The following SIPA1L1 variants were observed in gnomAD, a reference collection of about 807,000 sequenced individuals.
SIPA1L1 encodes the protein signal induced proliferation associated 1 like 1, also known as signal-induced proliferation-associated 1-like protein 1.
SIPA1L1 carries 26 observed loss-of-function variants against 162.7 expected under a neutral mutation model. The ratio of observed to expected loss-of-function variants is 0.16; its 90% confidence interval spans 0.12 to 0.22. The LOEUF (loss-of-function observed/expected upper bound fraction) is 0.22. SIPA1L1 is among the 10% of genes least tolerant of loss of function. SIPA1L1 has a pLI of 1.00. For missense variants in SIPA1L1, 1,874 were observed against 2,241.0 expected (o/e 0.84, Z 3.31); for synonymous variants, 829 against 837.4 (o/e 0.99, Z 0.17).
At position 71,685,558 on chromosome 14, in the gene SIPA1L1, A is replaced by G. The variant is rs774008839; in HGVS notation, c.3301A>G (p.Lys1101Glu). ...SRLNAGKGDG[K>E]MPPPERAANI... ...GCTGAATGCTGGAAAAGGAGATGGG[A>G]AGATGCCTCCTCCAGAAAGAGCCGC... The change falls in exon 13 of 24, where the codon AAG (lysine) becomes GAG (glutamate). Residue 1101 changes from lysine to glutamate, a missense_variant. Lys to Glu is a moderately conservative substitution (Grantham distance 56, BLOSUM62 1). This residue lies in a region of SIPA1L1 where 936 missense variants were observed against 1,051.9 expected (regional missense o/e 0.89). Coordinates refer to ENST00000381232, the MANE Select transcript of SIPA1L1 (RefSeq NM_001386936.1). The G allele has an allele frequency of 6.2e-7, 1 of 1,614,198 alleles. No individual in the cohort carries two copies. The highest frequency in any genetic ancestry group is 8.5e-7 in the Non-Finnish European group (1 of 1,180,034).
At chr14:71,445,567 C>G (rs1425232474) in intron 2 of SIPA1L1, among the ~76,000 whole-genome samples, 2 of 152,152 alleles carry the variant, frequency 1.3e-5, no homozygotes, top group African/African-American at 4.8e-5. Context: ...ATCGGTTGTA[C>G]TGGTGGTTCA....
At chr14:71,644,009 T>C (rs1260544968) in intron 7 of SIPA1L1, among the ~76,000 whole-genome samples, 1 of 152,182 alleles carries the variant, frequency 6.6e-6, no homozygotes, top group Non-Finnish European at 1.5e-5. Context: ...GATTTCACCA[T>C]GTTAGTCAGG....
chr14:71,444,903 GC>G (rs2045225950), intron 2 of SIPA1L1, among the ~76,000 whole-genome samples: 1 of 152,184 alleles, frequency 6.6e-6, no homozygotes, highest in Non-Finnish European at 1.5e-5. Context: ...GGAGCTACTA[GC>G]TAGTGCTTGT....
At chr14:71,569,871 C>A (rs1352065407) in intron 4 of SIPA1L1, among the ~76,000 whole-genome samples, 1 of 152,188 alleles carries the variant, frequency 6.6e-6, no homozygotes, top group East Asian at 1.9e-4. Flanking sequence ...AATGGATTCG[C>A]CTCTTTCCTG....
chr14:71,364,268 A>G (rs2038076441), intron 2 of SIPA1L1, among the ~76,000 whole-genome samples: 1 of 152,188 alleles, frequency 6.6e-6, no homozygotes. Flanking sequence ...GGTTTAATTC[A>G]TATTCAGGGA....
chr14:71,407,211 C>A (rs2042084492), intron 2 of SIPA1L1, among the ~76,000 whole-genome samples: 1 of 152,150 alleles, frequency 6.6e-6, no homozygotes, highest in Non-Finnish European at 1.5e-5. Flanking sequence ...ATAAAAAATA[C>A]TCCTCACCTT....
chr14:71,613,536 A>T (rs545663223), intron 5 of SIPA1L1, among the ~76,000 whole-genome samples: 2 of 152,242 alleles, frequency 1.3e-5, no homozygotes, highest in South Asian at 4.1e-4. Context: ...ATTTCAGTTC[A>T]TCCATCAGAA....
intron 4 of SIPA1L1, among the ~76,000 whole-genome samples, chr14:71,543,924 T>C (rs573104394): frequency 1.5e-5 from 2 of 130,710 alleles, no homozygotes; most frequent in South Asian, 2.4e-4. Flanking sequence ...ACATATATCA[T>C]ACGTATATGT....
At chr14:71,621,605 C>G (rs1596468747) in intron 6 of SIPA1L1, among the ~76,000 whole-genome samples, 1 of 152,154 alleles carries the variant, frequency 6.6e-6, no homozygotes, top group Non-Finnish European at 1.5e-5. Context: ...CAATTCAGTG[C>G]TTTATTTTTC....
chr14:71,445,589 A>G (rs918750589), intron 2 of SIPA1L1, among the ~76,000 whole-genome samples: 4 of 152,200 alleles, frequency 2.6e-5, no homozygotes, highest in Non-Finnish European at 5.9e-5. Flanking sequence ...TTAAGTGCAT[A>G]TGTACTATAT....
At chr14:71,429,528 C>T (rs192358486) in intron 2 of SIPA1L1, among the ~76,000 whole-genome samples, 80 of 151,682 alleles carry the variant, frequency 5.3e-4, no homozygotes, top group Non-Finnish European at 9.7e-4. Context: ...TCATTTTTCC[C>T]ATTGCTGAAC....
intron 2 of SIPA1L1, among the ~76,000 whole-genome samples, chr14:71,378,769 CTGT>C (rs2039636756): frequency 6.6e-6 from 1 of 151,024 alleles, no homozygotes; most frequent in Admixed American, 6.6e-5. Context: ...TTTATTATGT[CTGT>C]TGTTGCTTCA....
intron 17 of SIPA1L1, among the ~76,000 whole-genome samples, chr14:71,719,479 A>C (rs927933266): frequency 6.6e-6 from 1 of 152,180 alleles, no homozygotes; most frequent in Non-Finnish European, 1.5e-5. Flanking sequence ...CCATTCTGGT[A>C]GGTGTGTAAT....
At chr14:71,425,291 G>A (rs985117150) in intron 2 of SIPA1L1, among the ~76,000 whole-genome samples, 1 of 151,898 alleles carries the variant, frequency 6.6e-6, no homozygotes, top group Admixed American at 6.6e-5. Flanking sequence ...TTTGGGTTTA[G>A]TTTGTTCTTA....
At chr14:71,594,671 G>A (rs1331884341) in intron 5 of SIPA1L1, among the ~76,000 whole-genome samples, 2 of 152,172 alleles carry the variant, frequency 1.3e-5, no homozygotes, top group African/African-American at 4.8e-5. Flanking sequence ...GAATTGAATG[G>A]TGAAAGTTTT....
chr14:71,583,575 T>C (rs180740545), intron 4 of SIPA1L1, among the ~76,000 whole-genome samples: 90 of 152,248 alleles, frequency 5.9e-4, no homozygotes, highest in Non-Finnish European at 9.6e-4. Flanking sequence ...CACATCTTCT[T>C]CTTGTAACCT....
chr14:71,711,069 C>G (rs2082844407), intron 17 of SIPA1L1, among the ~76,000 whole-genome samples: 1 of 152,136 alleles, frequency 6.6e-6, no homozygotes, highest in Non-Finnish European at 1.5e-5. Context: ...TGGAATGAAG[C>G]CTTTCACTAG....
At chr14:71,714,590 T>G (rs1226014928) in intron 17 of SIPA1L1, among the ~76,000 whole-genome samples, 1 of 152,162 alleles carries the variant, frequency 6.6e-6, no homozygotes. Context: ...TCTCTCTTTT[T>G]TTTTTTAAAG....
At chr14:71,618,987 A>G (rs974864039) in intron 6 of SIPA1L1, 100 bp downstream of exon 6, 1 of 1,325,274 alleles carries the variant, frequency 7.5e-7, no homozygotes, top group African/African-American at 1.5e-5. Flanking sequence ...ACATGGTTAC[A>G]GCTGTCTTTG....
Sources: gnomAD v4.1 joint callset for allele counts (sites outside exome capture counted in the v4.1 genomes callset) on GRCh38, gnomAD v4.1.1 for gene constraint, gnomAD v4.1.1 regional missense constraint, MANE v1.5 for transcripts, NCBI Gene and HGNC (gene_info 2026-07-23, HGNC 2026-07-21) for gene names.